MIP: variants seen among roughly 807,000 people sequenced by gnomAD.
The protein encoded by MIP is major intrinsic protein of lens fiber.
MIP carries 14 observed loss-of-function variants against 21.8 expected under a neutral mutation model. The ratio of observed to expected loss-of-function variants is 0.64; its 90% CI spans 0.42 to 1.00. The LOEUF is 1.00. Among genes scored for constraint, MIP ranks in the 50% least tolerant of loss-of-function variants. The pLI, the probability that MIP is intolerant of heterozygous loss-of-function variation, is 0.00. For missense variants in MIP, 260 were observed against 333.5 expected (o/e 0.78, Z 1.72); for synonymous variants, 133 against 141.4 (o/e 0.94, Z 0.42).
chr12:56,452,736 A>G (rs764690311), intron 3 of MIP: 6 of 381,078 alleles, frequency 1.6e-5, no homozygotes, highest in Non-Finnish European at 2.5e-5. Context: ...GCTGAGGCCC[A>G]TCTGTGCTCA....
At position 56,451,584 on chromosome 12, in the gene MIP, T is replaced by C. The variant is rs1199043553; in HGVS notation, c.607-119A>G. 8 of 769,096 alleles carry C rather than the reference T, an allele frequency of 1.0e-5. No homozygotes were observed. The African/African-American group carries it at 1.4e-4, about 13-fold the overall frequency. The allele number at this position is 769,096 out of a possible 1,614,324, so 47.6% of individuals were successfully genotyped here. ...TGTACACTTGATATCTACAATAAAC[T>C]CACCATTTATTTTCTGATTCATCAA... On this transcript the variant is annotated intron_variant, in intron 3 of 3. Transcript: ENST00000652304.
chr12:56,453,972 T>C lies in MIP; in HGVS notation c.361-217A>G, dbSNP rs962677746. Among the ~76,000 whole-genome samples, 11 of 152,336 alleles carry C rather than the reference T, an allele frequency of 7.2e-5. No homozygotes were observed. In the East Asian group the frequency reaches 2.1e-3, roughly 29 times the overall value. ...CAGCCACTTACATGTATGAGGAAAC[T>C]GAGGCCTTGAAAGGTAAAATAAGTT... On this transcript the variant is annotated intron_variant, in intron 1 of 3. Transcript: ENST00000652304.
rs1232034137 is a variant in MIP at position 56,451,071 on chromosome 12, A to T, written c.*209T>A. The T allele has an allele frequency of 1.7e-6, 1 of 574,116 alleles. No homozygotes were observed. Among genetic ancestry groups the T allele is most frequent in the Non-Finnish European group, 3.1e-6 (1 of 323,036 alleles). The allele number at this position is 574,116 out of a possible 1,614,324, so 35.6% of individuals were successfully genotyped here. ...GGCGAAGGGTGGTGGGATGGGGAGGAAGGGAAGTTTGCACCAACCAGCTCA... is the reference window on the plus strand; with the variant it reads ...GGCGAAGGGTGGTGGGATGGGGAGGTAGGGAAGTTTGCACCAACCAGCTCA... On this transcript the variant is annotated 3_prime_UTR_variant, in exon 4 of 4. Transcript: ENST00000652304.
chr12:56,454,460 G>C lies in MIP; in HGVS notation c.154C>G (p.Leu52Val), dbSNP rs1868732577. The C allele has an allele frequency of 6.2e-7, 1 of 1,613,634 alleles. No homozygotes were observed. The highest frequency in any genetic ancestry group is 1.3e-5 in the African/African-American group (1 of 75,050). The change falls in exon 1 of 4, where the codon CTG (leucine) becomes GTG (valine). Residue 52 changes from leucine to valine, a missense_variant. Physicochemically the swap from Leu to Val is conservative, Grantham distance 32. Coordinates refer to ENST00000652304, the MANE Select transcript of MIP (RefSeq NM_012064.4). ...CCCACAGACTGCACCAGTGTAGCCAGGGCCAAGCCAAATGCCATAGCCACC... is the reference window on the plus strand; with the variant it reads ...CCCACAGACTGCACCAGTGTAGCCACGGCCAAGCCAAATGCCATAGCCACC... ...LQVAMAFGLA[L>V]ATLVQSVGHI...
chr12:56,453,557 C>T, intron 2 of MIP, 34 bp downstream of exon 2: 1 of 1,614,094 alleles, frequency 6.2e-7, no homozygotes, highest in Non-Finnish European at 8.5e-7. Context: ...GCCCCGGAAT[C>T]CTTGAATGAG....
Position 56,454,310 on chromosome 12 carries a change from C to T in MIP, c.304G>A (p.Ala102Thr), listed in dbSNP as rs776459088. Residue 102 changes from alanine (A) to threonine (T), a missense_variant, in exon 1 of 4, where the codon GCT becomes ACT. Coordinates refer to ENST00000652304, the MANE Select transcript of MIP (RefSeq NM_012064.4). ...GGTGGGGTAACGCTATACAGCACAGCGGCCCCAGCCACAGCTCCCAGGAGC... is the reference window on the plus strand; with the variant it reads ...GGTGGGGTAACGCTATACAGCACAGTGGCCCCAGCCACAGCTCCCAGGAGC... The part of the protein sequence containing the change: ...AQLLGAVAGA[A>T]VLYSVTPPAV... The T allele has an allele frequency of 1.9e-6, 3 of 1,613,814 alleles. No individual in the cohort carries two copies. The highest frequency in any genetic ancestry group is 1.7e-6 in the Non-Finnish European group (2 of 1,180,006).
intron 3 of MIP, chr12:56,452,801 C>T (rs369048902): frequency 4.2e-5 from 21 of 502,998 alleles, no homozygotes; most frequent in African/African-American, 3.7e-4. Flanking sequence ...TTAGTTGTCT[C>T]TCTTCATACC....
intron 3 of MIP, among the ~76,000 whole-genome samples, chr12:56,451,995 T>C (rs1868635796): frequency 6.6e-6 from 1 of 152,148 alleles, no homozygotes; most frequent in Admixed American, 6.5e-5. Context: ...TGAGCTGAGA[T>C]CCTGAGATCA....
upstream of MIP, among the ~76,000 whole-genome samples, chr12:56,454,842 T>C (rs1223082614): frequency 6.6e-6 from 1 of 152,058 alleles, no homozygotes; most frequent in Non-Finnish European, 1.5e-5. Context: ...GAGAGAGCCA[T>C]GGCAGTGAGG....
chr12:56,451,133 A>G lies in MIP; in HGVS notation c.*147T>C, dbSNP rs1249785914. On this transcript the variant is annotated 3_prime_UTR_variant, in exon 4 of 4. Coordinates refer to ENST00000652304, the MANE Select transcript of MIP (RefSeq NM_012064.4). ...TGAAAGATTTCACACAGCAAAAGGAAAAAAAAAAAAAAAACAACCACATAC... is the reference window on the plus strand; with the variant it reads ...TGAAAGATTTCACACAGCAAAAGGAGAAAAAAAAAAAAAACAACCACATAC... 1.6e-5 allele frequency: 4 copies of G among 245,648 alleles called. No homozygotes were observed. The highest frequency in any genetic ancestry group is 1.4e-4 in the Admixed American group (2 of 14,596). 15.2% of individuals were successfully genotyped at this position (245,648 alleles called of 1,614,324 possible). A position where few individuals can be genotyped will look rare whatever the true frequency, so the allele number is the denominator to read the frequency against.
At chr12:56,454,806 C>T (rs181163988), upstream of MIP, among the ~76,000 whole-genome samples, 16 of 152,198 alleles carry the variant, frequency 1.1e-4, no homozygotes, top group Admixed American at 3.3e-4. Context: ...TGGATTTTCC[C>T]GCCTTTCTCA....
At chr12:56,453,215 AC>A (rs2136166027) in intron 2 of MIP, 63 bp from the exon 3 acceptor site, 5 of 1,186,998 alleles carry the variant, frequency 4.2e-6, no homozygotes, top group Non-Finnish European at 6.3e-6. Flanking sequence ...TCTCCCCACA[AC>A]CCACATTGCC....
intron 3 of MIP, among the ~76,000 whole-genome samples, chr12:56,452,356 A>G (rs1421786959): frequency 2.6e-5 from 4 of 152,186 alleles, no homozygotes; most frequent in Non-Finnish European, 5.9e-5. Flanking sequence ...TATGTGTCAC[A>G]ATTTCCTTCC....
upstream of MIP, among the ~76,000 whole-genome samples, chr12:56,456,187 C>T (rs572577590): frequency 6.6e-3 from 1,012 of 152,310 alleles, 3 homozygotes; most frequent in Non-Finnish European, 0.012. Flanking sequence ...GCTCCCAGAT[C>T]CCAGTCACCA....
chr12:56,452,808 T>C (rs75223124), intron 3 of MIP: 2 of 519,594 alleles, frequency 3.8e-6, no homozygotes, highest in East Asian at 3.4e-5. Context: ...TCTCTCTTCA[T>C]ACCCGCTAGT....
In MIP at chr12:56,449,637, G is replaced by A. The variant is rs570458878; in HGVS notation, c.*1643C>T. The A allele has an allele frequency of 2.6e-5, 4 of 152,336 alleles. No homozygotes were observed. In the South Asian group the frequency reaches 6.2e-4, roughly 24 times the overall value. 9.4% of individuals were successfully genotyped at this position (152,336 alleles called of 1,614,324 possible). A position where few individuals can be genotyped will look rare whatever the true frequency, so the allele number is the denominator to read the frequency against. ...TTCTTCCCCTTCTTCTAGTCAAGCG[G>A]ACTATTCCAAGTCTTAAATAGTTAG... On this transcript the variant is annotated 3_prime_UTR_variant, in exon 4 of 4. Coordinates refer to ENST00000652304, the MANE Select transcript of MIP (RefSeq NM_012064.4).
chr12:56,450,919 C>G lies in MIP; in HGVS notation c.*361G>C. 1 of 276,826 alleles carries G rather than the reference C, an allele frequency of 3.6e-6. No homozygotes were observed. The highest frequency in any genetic ancestry group is 7.0e-6 in the Non-Finnish European group (1 of 142,762). The allele number at this position is 276,826 out of a possible 1,614,324, so 17.1% of individuals were successfully genotyped here. On this transcript the variant is annotated 3_prime_UTR_variant, in exon 4 of 4. Transcript: ENST00000652304. ...GCCAGAAACTTAAGGTGTCGGTTAC[C>G]CAGTACTCACCATACTGGGTCGAGG...
intron 3 of MIP, chr12:56,452,835 A>G (rs572566657): frequency 2.4e-4 from 136 of 566,480 alleles, no homozygotes; most frequent in Middle Eastern, 4.8e-4. Context: ...ACCAGTGAAT[A>G]CTCAGTGCAT....
chr12:56,455,087 G>A (rs1251630630), upstream of MIP, among the ~76,000 whole-genome samples: 1 of 152,182 alleles, frequency 6.6e-6, no homozygotes, highest in Non-Finnish European at 1.5e-5. Flanking sequence ...CAGGGGTAAG[G>A]GTTGGGGGGA....
Sources: allele counts gnomAD v4.1 joint callset (sites outside exome capture counted in the v4.1 genomes callset), GRCh38; gene constraint gnomAD v4.1.1; transcripts MANE v1.5; gene names NCBI Gene and HGNC (gene_info 2026-07-23, HGNC 2026-07-21).